ITGA9: variants seen among roughly 807,000 people sequenced by gnomAD.
The protein encoded by ITGA9 is integrin alpha-9.
Under a neutral mutation model 127.8 loss-of-function variants are expected in ITGA9, and 56 were observed. The observed-to-expected ratio is 0.44, with a 90% CI of 0.35 to 0.55. The LOEUF (loss-of-function observed/expected upper bound fraction) is 0.55, where lower values mean the gene tolerates loss of function less well. Among genes scored for constraint, ITGA9 ranks in the 20% least tolerant of loss-of-function variants. The pLI is 0.00. For synonymous variants in ITGA9, 508 were observed against 514.5 expected (o/e 0.99, Z 0.17); for missense variants, 1,196 against 1,347.1 (o/e 0.89, Z 1.76).
intron 9 of ITGA9, 70 bp downstream of exon 9, chr3:37,513,970 A>G: frequency 3.1e-6 from 5 of 1,594,066 alleles, no homozygotes; most frequent in Non-Finnish European, 4.3e-6. Context: ...GCAGTGGCCG[A>G]GCACCCCTCT....
intron 23 of ITGA9, among the ~76,000 whole-genome samples, chr3:37,760,657 A>G (rs908061227): frequency 1.3e-5 from 2 of 152,250 alleles, no homozygotes; most frequent in African/African-American, 2.4e-5. Context: ...TGTACCTCAC[A>G]GAAAAAAACA....
At chr3:37,651,555 C>T (rs1700429894) in intron 16 of ITGA9, among the ~76,000 whole-genome samples, 1 of 152,188 alleles carries the variant, frequency 6.6e-6, no homozygotes, top group East Asian at 1.9e-4. Flanking sequence ...GTACAGTGCC[C>T]CCTGCAATCC....
At chr3:37,692,073 G>A (rs182114201) in intron 18 of ITGA9, among the ~76,000 whole-genome samples, 2 of 152,294 alleles carry the variant, frequency 1.3e-5, no homozygotes, top group African/African-American at 2.4e-5. Context: ...CTTGGCTCAA[G>A]GGTCTTCTCT....
chr3:37,499,848 T>G (rs549631251), intron 5 of ITGA9, among the ~76,000 whole-genome samples: 4 of 152,172 alleles, frequency 2.6e-5, no homozygotes, highest in Non-Finnish European at 5.9e-5. Context: ...TTTATAATGT[T>G]TGAGAGGGGA....
At chr3:37,567,522 A>G (rs145954053) in intron 15 of ITGA9, among the ~76,000 whole-genome samples, 90 of 152,270 alleles carry the variant, frequency 5.9e-4, no homozygotes, top group African/African-American at 2.0e-3. Flanking sequence ...GCATTAACTC[A>G]AAAGTCCACA....
intron 17 of ITGA9, among the ~76,000 whole-genome samples, chr3:37,662,987 TG>T (rs1159656494): frequency 2.0e-5 from 3 of 152,206 alleles, no homozygotes; most frequent in African/African-American, 4.8e-5. Flanking sequence ...CCAGGATTCA[TG>T]GATGTTTTTA....
intron 26 of ITGA9, among the ~76,000 whole-genome samples, chr3:37,789,121 A>ACCTTGCTATCGAGTCTCTTTC (rs1697075188): frequency 1.3e-5 from 2 of 152,162 alleles, no homozygotes; most frequent in Non-Finnish European, 2.9e-5. Context: ...CTGTTAGTTT[A>ACCTTGCTATCGAGTCTCTTTC]CCTTGCTATC....
chr3:37,671,696 A>G (rs1700638517), intron 17 of ITGA9, among the ~76,000 whole-genome samples: 1 of 152,110 alleles, frequency 6.6e-6, no homozygotes, highest in African/African-American at 2.4e-5. Flanking sequence ...GATTTCCCTG[A>G]CCCACTGTAA....
intron 23 of ITGA9, among the ~76,000 whole-genome samples, chr3:37,775,659 A>C (rs1385102018): frequency 6.6e-6 from 1 of 151,894 alleles, no homozygotes; most frequent in Non-Finnish European, 1.5e-5. Context: ...AAAAAAAAAA[A>C]AGCAAAAGTC....
rs186633599 is a variant in ITGA9 at position 37,520,975 on chromosome 3, C to T, written c.1236+1621C>T. The stretch of plus-strand genomic sequence containing the variant: ...GTTTTGTTTGGTTGCTGGGTGGAAT[C>T]CCTGTAGAGAACCACAGTATAACTC... On this transcript the variant is annotated intron_variant, in intron 11 of 27. Coordinates refer to ENST00000264741, the MANE Select transcript of ITGA9 (RefSeq NM_002207.3). 2.2e-3 allele frequency among the ~76,000 whole-genome samples: 338 copies of T among 152,310 alleles called. 2 individuals are homozygous for T. The highest frequency in any genetic ancestry group is 7.6e-3 in the African/African-American group (316 of 41,574).
chr3:37,791,120 A>G (rs78863480), intron 26 of ITGA9, among the ~76,000 whole-genome samples: 2,199 of 152,248 alleles, frequency 0.014, 23 homozygotes, highest in Non-Finnish European at 0.023. Context: ...TTGGTTACTG[A>G]GGCCCACAGA....
In ITGA9 at chr3:37,736,989, G is replaced by T. The variant is rs112785572; in HGVS notation, c.2234+6G>T. ...TTCATTGTTACTGCTCAGAGGTAAG[G>T]GGGGGGTTTAAACACTTTTTTCAAA... On this transcript the variant is annotated splice_donor_region_variant and intron_variant, in intron 20 of 27. Transcript: ENST00000264741. The T allele has an allele frequency of 4.2e-5, 67 of 1,593,132 alleles. No homozygotes were observed. The African/African-American group carries it at 4.6e-4, about 11-fold the overall frequency.
chr3:37,656,562 G>A (rs1282276267), intron 17 of ITGA9, among the ~76,000 whole-genome samples: 7 of 152,224 alleles, frequency 4.6e-5, no homozygotes, highest in Admixed American at 1.3e-4. Context: ...GACTGCTGAA[G>A]TTGCTTATCA....
chr3:37,517,851 A>T (rs1699002656), intron 10 of ITGA9, among the ~76,000 whole-genome samples: 1 of 152,024 alleles, frequency 6.6e-6, no homozygotes, highest in Non-Finnish European at 1.5e-5. Flanking sequence ...ATCCCTTCTC[A>T]CCAGCTCAGT....
At chr3:37,817,604 G>A (rs774977986) in intron 27 of ITGA9, among the ~76,000 whole-genome samples, 1 of 152,184 alleles carries the variant, frequency 6.6e-6, no homozygotes, top group Non-Finnish European at 1.5e-5. Flanking sequence ...ACCCGATACA[G>A]TCAGCCTTGT....
intron 23 of ITGA9, among the ~76,000 whole-genome samples, chr3:37,766,253 A>C (rs1161500524): frequency 6.6e-6 from 1 of 152,260 alleles, no homozygotes; most frequent in African/African-American, 2.4e-5. Context: ...GACCAAAAAG[A>C]ACTGCCTCAA....
intron 9 of ITGA9, among the ~76,000 whole-genome samples, chr3:37,515,933 T>A (rs1698980021): frequency 6.6e-6 from 1 of 152,164 alleles, no homozygotes; most frequent in African/African-American, 2.4e-5. Flanking sequence ...TATTGGTACC[T>A]GTTGCAGGAA....
intron 6 of ITGA9, 126 bp downstream of exon 6, chr3:37,503,433 C>T: frequency 9.4e-7 from 1 of 1,063,138 alleles, no homozygotes; most frequent in Non-Finnish European, 1.4e-6. Context: ...GTTCTAATGA[C>T]TTACATCTTT....
chr3:37,779,924 C>A lies in ITGA9; in HGVS notation c.2690C>A (p.Ser897Tyr). 1 of 1,614,030 alleles carries A rather than the reference C, an allele frequency of 6.2e-7. No individual in the cohort carries two copies. Among genetic ancestry groups the A allele is most frequent in the Non-Finnish European group, 8.5e-7 (1 of 1,179,928 alleles). ...KVLDCEKPGI[S>Y]CLTAHCNFSA... ...CAGGACTGTGAAAAACCAGGAATTT[C>A]TTGCCTAACAGCACACTGTAACTTT... Residue 897 changes from serine (S) to tyrosine (Y), a missense_variant, in exon 25 of 28, where the codon TCT becomes TAT. Transcript: ENST00000264741.
Sources: gnomAD v4.1 joint callset for allele counts (sites outside exome capture counted in the v4.1 genomes callset) on GRCh38, gnomAD v4.1.1 for gene constraint, MANE v1.5 for transcripts, NCBI Gene and HGNC (gene_info 2026-07-23, HGNC 2026-07-21) for gene names.